TTC29: variants seen among roughly 807,000 people sequenced by gnomAD.
TTC29 encodes the protein tetratricopeptide repeat domain 29.
Under a neutral mutation model 58.1 loss-of-function variants are expected in TTC29, and 49 were observed. The observed-to-expected ratio is 0.84, with a 90% CI of 0.67 to 1.07. The LOEUF is 1.07. Ranked by LOEUF, TTC29 falls within the 50% of genes least tolerant of loss-of-function variation. The probability of loss-of-function intolerance (pLI) is 0.00; values close to 1 mark genes in which losing one functional copy is unlikely to be tolerated. For missense variants in TTC29, 582 were observed against 555.6 expected, an observed-to-expected ratio of 1.05 and a Z score of -0.48; for synonymous variants, 209 against 196.8, an observed-to-expected ratio of 1.06 and a Z score of -0.52.
At chr4:146,810,511 C>CAATTCACATT (rs1750942647) in intron 10 of TTC29, among the ~76,000 whole-genome samples, 1 of 151,344 alleles carries the variant, frequency 6.6e-6, no homozygotes. Context: ...ATGAGTGAAC[C>CAATTCACATT]AATTCACATT....
At chr4:146,729,595 G>C (rs962891610) in intron 11 of TTC29, among the ~76,000 whole-genome samples, 1 of 152,060 alleles carries the variant, frequency 6.6e-6, no homozygotes, top group African/African-American at 2.4e-5. Context: ...TTATAAAGAT[G>C]GTGTATTAGT....
chr4:146,872,092 C>A (rs1056454639), intron 7 of TTC29, among the ~76,000 whole-genome samples: 1 of 152,030 alleles, frequency 6.6e-6, no homozygotes, highest in Non-Finnish European at 1.5e-5. Flanking sequence ...CAGACACAAT[C>A]TCCACATTTA....
intron 9 of TTC29, among the ~76,000 whole-genome samples, chr4:146,822,135 AG>A (rs1024484215): frequency 4.0e-5 from 6 of 149,846 alleles, no homozygotes; most frequent in Non-Finnish European, 7.4e-5. Flanking sequence ...AAAAAAAAAA[AG>A]GGATACATGT....
chr4:146,809,600 A>T (rs1750870525), intron 10 of TTC29, among the ~76,000 whole-genome samples: 1 of 150,048 alleles, frequency 6.7e-6, no homozygotes, highest in South Asian at 2.1e-4. Context: ...AAAGTGGGCA[A>T]AGGATATGAA....
chr4:146,836,909 G>A (rs1728548106), intron 8 of TTC29, among the ~76,000 whole-genome samples: 1 of 152,076 alleles, frequency 6.6e-6, no homozygotes, highest in Non-Finnish European at 1.5e-5. Flanking sequence ...GTGTAAATTA[G>A]TTCAACCATA....
At chr4:146,903,843 C>T in intron 5 of TTC29, 114 bp from the exon 6 acceptor site, 1 of 772,204 alleles carries the variant, frequency 1.3e-6, no homozygotes, top group Non-Finnish European at 1.8e-6. Flanking sequence ...ATGTGATTAC[C>T]AATTTTAAAA....
At chr4:146,942,051 G>T (rs1388591645) in intron 2 of TTC29, among the ~76,000 whole-genome samples, 1 of 152,194 alleles carries the variant, frequency 6.6e-6, no homozygotes, top group East Asian at 1.9e-4. Context: ...TGTAGAAATA[G>T]ACAGCTTTGT....
intron 10 of TTC29, among the ~76,000 whole-genome samples, chr4:146,811,503 C>T (rs963041323): frequency 2.6e-5 from 4 of 152,100 alleles, no homozygotes; most frequent in African/African-American, 7.2e-5. Context: ...TCCTCCCTTC[C>T]ACTCATCTCT....
At chr4:146,742,599 TTCCCTCCCTTCCTTCCC>T in intron 11 of TTC29, among the ~76,000 whole-genome samples, 1 of 150,122 alleles carries the variant, frequency 6.7e-6, no homozygotes, top group Non-Finnish European at 1.5e-5. Context: ...CCTCCCTTCC[TTCCCTCCCTTCCTTCCC>T]TCCCTTCCTT....
chr4:146,783,013 C>T (rs1362782923), intron 11 of TTC29, among the ~76,000 whole-genome samples: 1 of 151,994 alleles, frequency 6.6e-6, no homozygotes, highest in Non-Finnish European at 1.5e-5. Flanking sequence ...AAATTCTTCA[C>T]TTGCATTTTT....
In TTC29 at chr4:146,941,636, C is replaced by T. The variant is rs115197970; in HGVS notation, c.-6-1735G>A. On this transcript the variant is annotated intron_variant, in intron 2 of 12. Transcript: ENST00000325106. ...AAGCAGAAGGAGACAAGCTCAAAGA[C>T]GTTATGGAGAATTTTGTTCGGTGTC... Among the ~76,000 whole-genome samples the T allele has an allele frequency of 4.9e-3, 753 of 152,248 alleles. 6 individuals carry two copies. Among genetic ancestry groups the T allele is most frequent in the African/African-American group, 0.015 (637 of 41,538 alleles).
At chr4:146,863,121 C>CAA (rs577730929) in intron 8 of TTC29, among the ~76,000 whole-genome samples, 21 of 76,620 alleles carry the variant, frequency 2.7e-4, no homozygotes, top group African/African-American at 5.9e-4. Context: ...GACTCCGCCT[C>CAA]AAAAAAAAAA....
At chr4:146,707,987 G>C (rs770118147) in intron 11 of TTC29, among the ~76,000 whole-genome samples, 1 of 151,966 alleles carries the variant, frequency 6.6e-6, no homozygotes, top group African/African-American at 2.4e-5. Flanking sequence ...GAATGGCCAC[G>C]TATAGATGTT....
intron 8 of TTC29, among the ~76,000 whole-genome samples, chr4:146,856,629 A>G (rs1391149259): frequency 2.0e-5 from 3 of 151,384 alleles, no homozygotes; most frequent in Non-Finnish European, 4.4e-5. Context: ...GACAAATACT[A>G]TAATCAAGGT....
chr4:146,790,775 A>C (rs1017735567), intron 11 of TTC29, among the ~76,000 whole-genome samples: 34 of 152,174 alleles, frequency 2.2e-4, no homozygotes, highest in African/African-American at 7.0e-4. Flanking sequence ...GCTAAGCAAG[A>C]CTGTGCAGAA....
At chr4:146,945,000 T>A (rs1311571106) in intron 2 of TTC29, 31 bp downstream of exon 2, 1 of 152,180 alleles carries the variant, frequency 6.6e-6, no homozygotes, top group East Asian at 1.9e-4. Flanking sequence ...GGAAATGAGT[T>A]TGAAGGCAAG....
intron 5 of TTC29, among the ~76,000 whole-genome samples, chr4:146,907,014 C>T (rs1291046600): frequency 2.6e-5 from 4 of 152,066 alleles, no homozygotes; most frequent in African/African-American, 2.4e-5. Flanking sequence ...CCCAGCTACT[C>T]GGGAGGCTGA....
intron 11 of TTC29, among the ~76,000 whole-genome samples, chr4:146,751,982 A>G (rs951647394): frequency 1.3e-5 from 2 of 152,126 alleles, no homozygotes; most frequent in Non-Finnish European, 2.9e-5. Flanking sequence ...AAAAAATGGA[A>G]GTCAAGAAAT....
At chr4:146,825,292 T>C (rs1318240846) in intron 9 of TTC29, among the ~76,000 whole-genome samples, 1 of 152,102 alleles carries the variant, frequency 6.6e-6, no homozygotes, top group Non-Finnish European at 1.5e-5. Flanking sequence ...AGAGTTTCTG[T>C]TATGTTGTCT....
Sources: allele counts gnomAD v4.1 joint callset (sites outside exome capture counted in the v4.1 genomes callset), GRCh38; gene constraint gnomAD v4.1.1; transcripts MANE v1.5; gene names NCBI Gene and HGNC (gene_info 2026-07-23, HGNC 2026-07-21).